Variants in LSM14A observed in about 807,000 individuals in gnomAD.
The protein encoded by LSM14A is LSM14A mRNA processing body assembly factor, also known as protein LSM14 homolog A.
A neutral mutation model predicts 52.4 loss-of-function variants in LSM14A; 14 were observed. The ratio of observed to expected loss-of-function variants is 0.27; its 90% confidence interval spans 0.18 to 0.42. The LOEUF (loss-of-function observed/expected upper bound fraction) is 0.42. Ranked by LOEUF, LSM14A falls within the 10% of genes least tolerant of loss-of-function variation. The probability of loss-of-function intolerance (pLI) is 1.00; values close to 1 mark genes in which losing one functional copy is unlikely to be tolerated. For synonymous variants in LSM14A, 185 were observed against 200.3 expected (o/e 0.92, Z 0.64); for missense variants, 417 against 581.8 (o/e 0.72, Z 2.91).
intron 1 of LSM14A, among the ~76,000 whole-genome samples, chr19:34,176,510 T>C (rs1348149896): frequency 6.6e-6 from 1 of 152,232 alleles, no homozygotes; most frequent in Non-Finnish European, 1.5e-5. Context: ...TTCTGACATT[T>C]ATAGTTTTAC....
chr19:34,227,432 A>C lies in LSM14A; in HGVS notation c.*44A>C. Reference sequence around the variant, plus strand: ...AAAATAGGTGAATTTCTAGCTCTTCATGGTCCTGAACATTGATTTCAGTCT... The same window carrying C: ...AAAATAGGTGAATTTCTAGCTCTTCCTGGTCCTGAACATTGATTTCAGTCT... On this transcript the variant is annotated 3_prime_UTR_variant, in exon 10 of 10. Transcript: ENST00000544216. The C allele has an allele frequency of 1.4e-6, 2 of 1,471,218 alleles. No individual in the cohort carries two copies. The allele number at this position is 1,471,218 out of a possible 1,614,324, so 91.1% of individuals were successfully genotyped here. A position where few individuals can be genotyped will look rare whatever the true frequency, so the allele number is the denominator to read the frequency against.
intron 1 of LSM14A, among the ~76,000 whole-genome samples, chr19:34,190,709 C>T (rs2070307261): frequency 1.3e-5 from 2 of 152,076 alleles, no homozygotes; most frequent in Admixed American, 1.3e-4. Flanking sequence ...CACTTTGTAA[C>T]TTTGTAGTCT....
At chr19:34,173,395 T>TA (rs749590112) in intron 1 of LSM14A, among the ~76,000 whole-genome samples, 61 of 152,242 alleles carry the variant, frequency 4.0e-4, no homozygotes, top group Non-Finnish European at 7.8e-4. Flanking sequence ...GGGCGCGTGG[T>TA]AAAAATGCTT....
chr19:34,219,445 G>A lies in LSM14A; in HGVS notation c.836G>A (p.Arg279Lys). 1 of 1,614,010 alleles carries A rather than the reference G, an allele frequency of 6.2e-7. No individual in the cohort carries two copies. The highest frequency in any genetic ancestry group is 1.1e-5 in the South Asian group (1 of 91,060). Residue 279 changes from arginine to lysine, a missense_variant, in exon 7 of 10, where the codon AGG becomes AAG. Physicochemically the swap from Arg to Lys is conservative, Grantham distance 26 (BLOSUM62 2). Transcript: ENST00000544216. ...GGGCGTGGGGGTCATCGGGGTGGCA[G>A]GGGAAGATTTGGTATTCGGCGAGAT... ...RRGRGGHRGGRGRFGIRRDGP... is the reference protein window; with the variant it reads ...RRGRGGHRGGKGRFGIRRDGP...
intron 3 of LSM14A, among the ~76,000 whole-genome samples, chr19:34,202,251 T>G (rs903918836): frequency 6.6e-6 from 1 of 150,902 alleles, no homozygotes; most frequent in East Asian, 1.9e-4. Flanking sequence ...GTTAGCACTT[T>G]GGGAGGCCAT....
In LSM14A at chr19:34,229,081, C is replaced by G. The variant is rs942680185; in HGVS notation, c.*1693C>G. 3 of 152,140 alleles carry G rather than the reference C, an allele frequency of 2.0e-5. No homozygotes were observed. Among genetic ancestry groups the G allele is most frequent in the African/African-American group, 7.2e-5 (3 of 41,420 alleles). The allele number at this position is 152,140 out of a possible 1,614,324, so 9.4% of individuals were successfully genotyped here. ...ACATGTGTAGACTGTTGGAGATGTC[C>G]CGGGCCAATTTCAAGAAAGAAAACT... is the stretch of plus-strand genomic sequence containing the variant. On this transcript the variant is annotated 3_prime_UTR_variant, in exon 10 of 10. Coordinates refer to ENST00000544216, the MANE Select transcript of LSM14A (RefSeq NM_015578.4).
At chr19:34,211,030 C>T (rs573098853) in intron 4 of LSM14A, among the ~76,000 whole-genome samples, 29 of 152,096 alleles carry the variant, frequency 1.9e-4, no homozygotes, top group Non-Finnish European at 3.1e-4. Flanking sequence ...TGGCCGGGCA[C>T]GATGGCTCAT....
At chr19:34,227,278 A>G (rs1422114426) in intron 9 of LSM14A, 87 bp from the exon 10 acceptor site, 4 of 865,278 alleles carry the variant, frequency 4.6e-6, no homozygotes, top group African/African-American at 3.5e-5. Flanking sequence ...ATATTTAAAG[A>G]TAATTTAAAA....
At chr19:34,223,638 C>T (rs1038546954) in intron 9 of LSM14A, among the ~76,000 whole-genome samples, 2 of 152,210 alleles carry the variant, frequency 1.3e-5, no homozygotes, top group Admixed American at 6.5e-5. Flanking sequence ...ACCATGGTAA[C>T]CCACCAGTTG....
At chr19:34,175,892 C>CTT (rs906882002) in intron 1 of LSM14A, among the ~76,000 whole-genome samples, 4 of 151,888 alleles carry the variant, frequency 2.6e-5, no homozygotes, top group Non-Finnish European at 5.9e-5. Flanking sequence ...GAGTCTTGCT[C>CTT]TTGCCCAGGC....
chr19:34,192,319 G>GTTGTTT lies in LSM14A; in HGVS notation c.122-2157_122-2156insGTTTTT, dbSNP rs60512063. ...ACACTGAAATAACATTCTTTTTGTTGTTTTTTTTTTTTTTTTTTTTTTTGG... is the reference window on the plus strand; with the variant it reads ...ACACTGAAATAACATTCTTTTTGTTGTTGTTTTTTTTTTTTTTTTTTTTTTTTTTGG... On this transcript the variant is annotated intron_variant, in intron 1 of 9. Transcript: ENST00000544216. 2.2e-3 allele frequency among the ~76,000 whole-genome samples: 118 copies of GTTGTTT among 53,400 alleles called. 5 individuals are homozygous for GTTGTTT. The highest frequency in any genetic ancestry group is 8.8e-3 in the African/African-American group (109 of 12,356). The allele number at this position is 53,400 out of a possible 152,430, so 35.0% of individuals were successfully genotyped here.
At chr19:34,221,806 T>C in intron 9 of LSM14A, 68 bp downstream of exon 9, 1 of 1,522,586 alleles carries the variant, frequency 6.6e-7, no homozygotes, top group Non-Finnish European at 8.8e-7. Flanking sequence ...ACATTTTTAC[T>C]TGTTTTTGTT....
chr19:34,217,692 C>T (rs1405374783), intron 6 of LSM14A, among the ~76,000 whole-genome samples: 4 of 121,912 alleles, frequency 3.3e-5, no homozygotes, highest in Non-Finnish European at 4.8e-5. Context: ...CAGTGGGGCA[C>T]GATCTCAGCT....
intron 3 of LSM14A, chr19:34,208,054 T>C (rs2071836456): frequency 6.6e-6 from 1 of 152,078 alleles, no homozygotes; most frequent in Non-Finnish European, 1.5e-5. Flanking sequence ...CTGGTGAAAA[T>C]ATAGAAAATG....
intron 4 of LSM14A, among the ~76,000 whole-genome samples, chr19:34,211,297 TAA>T (rs545445559): frequency 7.1e-6 from 1 of 141,708 alleles, no homozygotes. Context: ...GACTCCATCT[TAA>T]AAAAAAAAAA....
At chr19:34,184,031 CT>C (rs1568474118) in intron 1 of LSM14A, among the ~76,000 whole-genome samples, 1 of 149,174 alleles carries the variant, frequency 6.7e-6, no homozygotes, top group African/African-American at 2.5e-5. Context: ...CTCTGATCTA[CT>C]TTCTTTTCTA....
chr19:34,207,566 C>G (rs1336481675), intron 3 of LSM14A, among the ~76,000 whole-genome samples: 1 of 149,046 alleles, frequency 6.7e-6, no homozygotes, highest in Non-Finnish European at 1.5e-5. Flanking sequence ...GAGTCTCACT[C>G]TGTCACCCAG....
At chr19:34,207,700 T>C (rs1328503761) in intron 3 of LSM14A, among the ~76,000 whole-genome samples, 1 of 152,030 alleles carries the variant, frequency 6.6e-6, no homozygotes, top group African/African-American at 2.4e-5. Flanking sequence ...CCCAGCTAAT[T>C]TTTGAATTTT....
rs910446572 is a variant in LSM14A at position 34,208,829 on chromosome 19, T to C, written c.416-100T>C. 12 of 744,502 alleles carry C rather than the reference T, an allele frequency of 1.6e-5. No individual in the cohort carries two copies. In the South Asian group the frequency reaches 1.8e-4, roughly 11 times the overall value. 46.1% of individuals were successfully genotyped at this position (744,502 alleles called of 1,614,324 possible). ...TTTGTACAGATGCTGGGGGGAGAGGTAGACAATTACCATCATTAAAATGCT... is the reference window on the plus strand; with the variant it reads ...TTTGTACAGATGCTGGGGGGAGAGGCAGACAATTACCATCATTAAAATGCT... On this transcript the variant is annotated intron_variant, in intron 3 of 9. Transcript: ENST00000544216.
Sources: gnomAD v4.1 joint callset for allele counts (sites outside exome capture counted in the v4.1 genomes callset) on GRCh38, gnomAD v4.1.1 for gene constraint, MANE v1.5 for transcripts, NCBI Gene and HGNC (gene_info 2026-07-23, HGNC 2026-07-21) for gene names.